Variants in SHANK2 observed in about 807,000 individuals in gnomAD.
The protein encoded by SHANK2 is SH3 and multiple ankyrin repeat domains 2.
SHANK2 carries 43 observed loss-of-function variants against 133.7 expected under a neutral mutation model. The ratio of observed to expected loss-of-function variants is 0.32; its 90% CI spans 0.25 to 0.41. The LOEUF (loss-of-function observed/expected upper bound fraction) is 0.41. SHANK2 is among the 10% of genes least tolerant of loss of function. The pLI, the probability that SHANK2 is intolerant of heterozygous loss-of-function variation, is 1.00. For synonymous variants in SHANK2, 1,017 were observed against 952.8 expected (o/e 1.07, Z -1.24); for missense variants, 1,994 against 2,235.8 (o/e 0.89, Z 2.18).
At chr11:70,628,579 A>G (rs1224304491) in intron 17 of SHANK2, among the ~76,000 whole-genome samples, 2 of 152,208 alleles carry the variant, frequency 1.3e-5, no homozygotes, top group Non-Finnish European at 1.5e-5. Context: ...GAGGAGCCTA[A>G]GGCGGCCCAC....
intron 8 of SHANK2, among the ~76,000 whole-genome samples, chr11:71,091,948 C>T (rs1555094113): frequency 1.3e-5 from 2 of 152,216 alleles, no homozygotes; most frequent in African/African-American, 2.4e-5. Context: ...CCAGGCTGAC[C>T]TACCTCCTAA....
chr11:70,557,567 C>T (rs78550286), intron 17 of SHANK2, among the ~76,000 whole-genome samples: 3,481 of 152,150 alleles, frequency 0.023, 126 homozygotes, highest in African/African-American at 0.08. Context: ...CTGCTAAAGC[C>T]GGGAGCAGGG....
In SHANK2 at chr11:70,472,598, G is replaced by T; in HGVS notation, c.*271C>A. On this transcript the variant is annotated 3_prime_UTR_variant, in exon 26 of 26. Coordinates refer to ENST00000601538, the MANE Select transcript of SHANK2 (RefSeq NM_012309.5). The surrounding 1 kb of genome is among the most constrained non-coding windows in gnomAD (Gnocchi z 4.4). ...CAAAGCGAGGCCACCTGCATGCTGG[G>T]CGGCAGGCTGAGAATCTTTTTCCAT... 1 of 504,106 alleles carries T rather than the reference G, an allele frequency of 2.0e-6. No individual in the cohort carries two copies. Among genetic ancestry groups the T allele is most frequent in the South Asian group, 2.1e-5 (1 of 48,116 alleles). 31.2% of individuals were successfully genotyped at this position (504,106 alleles called of 1,614,324 possible).
At chr11:71,127,669 A>G (rs1952216680) in intron 3 of SHANK2, among the ~76,000 whole-genome samples, 1 of 152,242 alleles carries the variant, frequency 6.6e-6, no homozygotes, top group Admixed American at 6.5e-5. Flanking sequence ...TTTTTTAGAC[A>G]TGATGCTATT....
At chr11:71,245,990 G>A (rs1954955809) in intron 1 of SHANK2, among the ~76,000 whole-genome samples, 1 of 152,106 alleles carries the variant, frequency 6.6e-6, no homozygotes, top group South Asian at 2.1e-4. Context: ...TGTGCGGGGT[G>A]GCAGGAAAAA....
chr11:70,543,062 G>A (rs532464139), intron 17 of SHANK2, among the ~76,000 whole-genome samples: 7 of 152,312 alleles, frequency 4.6e-5, no homozygotes, highest in African/African-American at 1.2e-4. Flanking sequence ...CCGGCCTGGC[G>A]TGGGGTGGCG....
At chr11:70,657,811 A>G (rs569667779) in intron 17 of SHANK2, among the ~76,000 whole-genome samples, 2 of 152,300 alleles carry the variant, frequency 1.3e-5, no homozygotes, top group South Asian at 4.1e-4. Context: ...GTGCTTAGAA[A>G]CAGAAGTGTG....
In SHANK2 at chr11:70,795,016, G is replaced by A. The variant is rs1050940882; in HGVS notation, c.1777+3427C>T. On this transcript the variant is annotated intron_variant, in intron 14 of 25. Coordinates refer to ENST00000601538, the MANE Select transcript of SHANK2 (RefSeq NM_012309.5). ...AATACAAAAGAAGGTGCTAAGTCAC[G>A]ATCTTAGAACACCCAAGGGCAAGCA... Among the ~76,000 whole-genome samples, 11 of 152,186 alleles carry A rather than the reference G, an allele frequency of 7.2e-5. No individual in the cohort carries two copies. In the East Asian group the frequency reaches 7.7e-4, roughly 11 times the overall value.
At chr11:71,194,883 C>A (rs1430424590) in intron 2 of SHANK2, among the ~76,000 whole-genome samples, 1 of 152,276 alleles carries the variant, frequency 6.6e-6, no homozygotes, top group South Asian at 2.1e-4. Context: ...TGGGTCCCAG[C>A]GCTACATCCA....
intron 23 of SHANK2, 33 bp from the exon 24 acceptor site, chr11:70,489,381 T>C: frequency 6.2e-7 from 1 of 1,611,692 alleles, no homozygotes; most frequent in Non-Finnish European, 8.5e-7. Context: ...TATTAACCAG[T>C]AACCGCAAGA....
chr11:70,599,889 A>AAG (rs376412663), intron 17 of SHANK2, among the ~76,000 whole-genome samples: 26,805 of 72,720 alleles, frequency 0.37, 4,960 homozygotes, highest in East Asian at 0.45. Context: ...GAAAGAAAGA[A>AAG]AAAGAAAGAA....
At chr11:70,818,081 C>T (rs782385156) in intron 12 of SHANK2, among the ~76,000 whole-genome samples, 1 of 152,084 alleles carries the variant, frequency 6.6e-6, no homozygotes, top group Non-Finnish European at 1.5e-5. Flanking sequence ...GTTTTACCTG[C>T]CCAAGGTTAT....
chr11:70,888,571 T>C (rs1254392109), intron 11 of SHANK2, among the ~76,000 whole-genome samples: 1 of 151,952 alleles, frequency 6.6e-6, no homozygotes, highest in Non-Finnish European at 1.5e-5. Context: ...TCCCAGGACT[T>C]TGGGTGAGGC....
At chr11:70,924,001 C>T (rs1360185075) in intron 10 of SHANK2, among the ~76,000 whole-genome samples, 1 of 152,220 alleles carries the variant, frequency 6.6e-6, no homozygotes, top group Non-Finnish European at 1.5e-5. Context: ...GCAGTGAGCC[C>T]CGTGTCTGCT....
chr11:70,818,682 T>C (rs567189078), intron 12 of SHANK2, among the ~76,000 whole-genome samples: 1 of 152,340 alleles, frequency 6.6e-6, no homozygotes, highest in East Asian at 1.9e-4. Flanking sequence ...CAGAAGCAGC[T>C]GGACCTCCTT....
Position 71,159,586 on chromosome 11 carries a change from G to A in SHANK2, c.-12-12248C>T, listed in dbSNP as rs550037588. ...TGTTATTTGCTCAATAAAACAAGGC[G>A]AGAAAAAAAGTGTTTCTTTCTACAA... On this transcript the variant is annotated intron_variant, in intron 2 of 25. Transcript: ENST00000601538. Among the ~76,000 whole-genome samples the A allele has an allele frequency of 1.1e-4, 17 of 152,164 alleles. No homozygotes were observed. In the South Asian group the frequency reaches 1.9e-3, roughly 17 times the overall value.
intron 2 of SHANK2, among the ~76,000 whole-genome samples, chr11:71,173,243 G>C (rs1953355318): frequency 6.6e-6 from 1 of 152,256 alleles, no homozygotes; most frequent in African/African-American, 2.4e-5. Flanking sequence ...TGGAGGACAA[G>C]ATGAAACGGA....
intron 17 of SHANK2, among the ~76,000 whole-genome samples, chr11:70,509,120 G>T (rs1355685443): frequency 1.3e-5 from 2 of 152,240 alleles, no homozygotes; most frequent in African/African-American, 4.8e-5. Flanking sequence ...GTCCCTGTCT[G>T]GTTGAAGCTG....
intron 2 of SHANK2, 134 bp from the exon 3 acceptor site, chr11:71,147,472 A>G (rs1413027212): frequency 1.7e-6 from 1 of 595,082 alleles, no homozygotes; most frequent in Admixed American, 3.7e-5. Flanking sequence ...TGTGACCACC[A>G]GCCGAGGGCC....
Sources: allele counts gnomAD v4.1 joint callset (sites outside exome capture counted in the v4.1 genomes callset), GRCh38; gene constraint gnomAD v4.1.1; non-coding constraint Gnocchi (gnomAD v3.1); transcripts MANE v1.5; gene names NCBI Gene and HGNC (gene_info 2026-07-23, HGNC 2026-07-21).